FAM120C: variants seen among roughly 807,000 people sequenced by gnomAD.
The protein encoded by FAM120C is family with sequence similarity 120 member C.
Under a neutral mutation model 71.2 loss-of-function variants are expected in FAM120C, and 14 were observed. The observed-to-expected ratio is 0.20, with a 90% CI of 0.13 to 0.31. FAM120C has a LOEUF of 0.31. Ranked by LOEUF, FAM120C falls within the 10% of genes least tolerant of loss-of-function variation. The pLI is 1.00. For synonymous variants in FAM120C, 354 were observed against 353.2 expected (o/e 1.00, Z -0.03); for missense variants, 500 against 879.0 (o/e 0.57, Z 5.45).
At chrX:54,163,523 G>C (rs1376239574) in intron 1 of FAM120C, among the ~76,000 whole-genome samples, 1 of 111,491 alleles carries the variant, frequency 9.0e-6, no homozygotes, top group African/African-American at 3.3e-5. Flanking sequence ...TGTGGGGATG[G>C]GGAATAAGAC....
intron 3 of FAM120C, among the ~76,000 whole-genome samples, chrX:54,155,671 A>C (rs1291037011): frequency 9.0e-6 from 1 of 111,579 alleles, no homozygotes; most frequent in Non-Finnish European, 1.9e-5. Flanking sequence ...TTTAAAAAAA[A>C]AATAAAGTTG....
In FAM120C at chrX:54,114,728, T is replaced by C. The variant is rs186465912; in HGVS notation, c.2312+1817A>G. Among the ~76,000 whole-genome samples the C allele has an allele frequency of 3.7e-3, 382 of 103,163 alleles. 2 individuals are homozygous for C. Among genetic ancestry groups the C allele is most frequent in the African/African-American group, 0.013 (356 of 28,054 alleles). The allele number at this position is 103,163 out of a possible 115,157, so 89.6% of individuals were successfully genotyped here. On this transcript the variant is annotated intron_variant, in intron 10 of 15. Transcript: ENST00000375180. ...TGCTGGGGTTACAGGTGTGAGCCAC[T>C]GCACCCAGCCTAATTTTGTTTGTTT... is the stretch of plus-strand genomic sequence containing the variant.
chrX:54,158,332 A>ATAT (rs2067220201), intron 2 of FAM120C, among the ~76,000 whole-genome samples: 1 of 112,561 alleles, frequency 8.9e-6, no homozygotes, highest in Non-Finnish European at 1.9e-5. Flanking sequence ...TGACTCCACT[A>ATAT]TATTATCCAA....
chrX:54,134,837 C>A lies in FAM120C; in HGVS notation c.1610G>T (p.Ser537Ile). The A allele has an allele frequency of 8.3e-7, 1 of 1,209,708 alleles. No homozygotes were observed. The highest frequency in any genetic ancestry group is 1.1e-6 in the Non-Finnish European group (1 of 894,532). ...SSDGDEPNGASSDHITEAFHH... is the reference protein window; with the variant it reads ...SSDGDEPNGAISDHITEAFHH... The stretch of plus-strand genomic sequence containing the variant: ...TGTCTACAGAGATACTTACTCAGAG[C>A]TAGCTCCATTTGGCTCATCACCATC... Residue 537 changes from serine (S) to isoleucine (I), a missense_variant, in exon 7 of 16, where the codon AGC becomes ATC. Transcript: ENST00000375180.
intron 10 of FAM120C, among the ~76,000 whole-genome samples, chrX:54,107,098 T>C (rs2066910697): frequency 9.1e-6 from 1 of 109,969 alleles, no homozygotes; most frequent in Non-Finnish European, 1.9e-5. Flanking sequence ...TTTTGTTTGT[T>C]TTGGTTTTTT....
intron 3 of FAM120C, among the ~76,000 whole-genome samples, chrX:54,154,894 G>A (rs782445824): frequency 3.6e-5 from 4 of 111,103 alleles, no homozygotes; most frequent in African/African-American, 1.3e-4. Context: ...GAGATCAATC[G>A]TATGTGGAGA....
intron 10 of FAM120C, among the ~76,000 whole-genome samples, chrX:54,092,740 ATTGT>A (rs1557122802): frequency 1.8e-5 from 2 of 111,512 alleles, no homozygotes; most frequent in African/African-American, 6.5e-5. Context: ...GGTTATTAAT[ATTGT>A]TTCTTTTTTT....
intron 12 of FAM120C, among the ~76,000 whole-genome samples, chrX:54,087,290 C>T (rs868981346): frequency 3.6e-5 from 3 of 83,406 alleles, no homozygotes; most frequent in South Asian, 7.5e-4. Context: ...TCCAGCCTGG[C>T]GACAGAGCAA....
chrX:54,136,032 CTT>C (rs2067092557), intron 5 of FAM120C, among the ~76,000 whole-genome samples: 2 of 104,014 alleles, frequency 1.9e-5, no homozygotes, highest in African/African-American at 3.5e-5. Flanking sequence ...GAATTTCACT[CTT>C]GTTGCCCAGG....
At chrX:54,179,774 C>T (rs1345841361) in intron 1 of FAM120C, among the ~76,000 whole-genome samples, 1 of 111,546 alleles carries the variant, frequency 9.0e-6, no homozygotes, top group Non-Finnish European at 1.9e-5. Context: ...TACCCTGCAC[C>T]CAAAGTACAC....
At position 54,088,014 on chromosome X, in the gene FAM120C, G is replaced by T. The variant is rs1557122175; in HGVS notation, c.2428-50C>A. 3 of 1,019,372 alleles carry T rather than the reference G, an allele frequency of 2.9e-6. No individual in the cohort carries two copies. In the Admixed American group the frequency reaches 7.8e-5, roughly 26 times the overall value. The allele number at this position is 1,019,372 out of a possible 1,213,427, so 84.0% of individuals were successfully genotyped here. A position where few individuals can be genotyped will look rare whatever the true frequency, so the allele number is the denominator to read the frequency against. The stretch of plus-strand genomic sequence containing the variant: ...TACTATTAAGAAACTACTATTCTTG[G>T]TAACATTTACTCTTATTCCTGTCAT... On this transcript the variant is annotated intron_variant, in intron 11 of 15. Transcript: ENST00000375180.
In FAM120C at chrX:54,098,751, G is replaced by A. The variant is rs1557123726; in HGVS notation, c.2313-7325C>T. Among the ~76,000 whole-genome samples, 3 of 111,068 alleles carry A rather than the reference G, an allele frequency of 2.7e-5. No homozygotes were observed. The East Asian group carries it at 8.5e-4, about 32-fold the overall frequency. On this transcript the variant is annotated intron_variant, in intron 10 of 15. Coordinates refer to ENST00000375180, the MANE Select transcript of FAM120C (RefSeq NM_017848.6). ...TGATTCTCCTGCCTCAGCCTCCTGA[G>A]TAGCTGGGATTACAGGCACGCGCCA...
At chrX:54,132,984 G>A (rs2067075650) in intron 8 of FAM120C, 121 bp from the exon 9 acceptor site, 1 of 517,937 alleles carries the variant, frequency 1.9e-6, no homozygotes, top group Non-Finnish European at 2.9e-6. Context: ...TTTGTATTTA[G>A]ACAGTTTCAT....
At chrX:54,129,636 G>T (rs1338398615) in intron 9 of FAM120C, among the ~76,000 whole-genome samples, 1 of 112,361 alleles carries the variant, frequency 8.9e-6, no homozygotes, top group African/African-American at 3.2e-5. Context: ...GGCAGAGGCT[G>T]CAATCTCGGC....
At chrX:54,081,226 C>T in intron 14 of FAM120C, 96 bp downstream of exon 14, 1 of 865,877 alleles carries the variant, frequency 1.2e-6, no homozygotes, top group East Asian at 3.4e-5. Flanking sequence ...GTACTTCTTG[C>T]CTTAATAGAA....
At chrX:54,080,107 C>T in intron 15 of FAM120C, 125 bp downstream of exon 15, 1 of 538,982 alleles carries the variant, frequency 1.9e-6, no homozygotes, top group Non-Finnish European at 3.2e-6. Context: ...AATCAAATGC[C>T]TGGAGGAGTT....
chrX:54,098,229 C>T (rs1047642849), intron 10 of FAM120C, among the ~76,000 whole-genome samples: 6 of 107,361 alleles, frequency 5.6e-5, no homozygotes, highest in African/African-American at 2.0e-4. Context: ...TTAGTAGAGA[C>T]GGGGTTTCAC....
intron 3 of FAM120C, among the ~76,000 whole-genome samples, chrX:54,153,583 T>G (rs2067194289): frequency 9.4e-6 from 1 of 106,588 alleles, no homozygotes; most frequent in African/African-American, 3.4e-5. Context: ...ATTTTTTTTT[T>G]TTTTGAGACA....
At chrX:54,101,425 G>A (rs2066881729) in intron 10 of FAM120C, among the ~76,000 whole-genome samples, 1 of 111,844 alleles carries the variant, frequency 8.9e-6, no homozygotes, top group Non-Finnish European at 1.9e-5. Context: ...TTGACTATTA[G>A]CACCTGGCTC....
Sources: gnomAD v4.1 joint callset for allele counts (sites outside exome capture counted in the v4.1 genomes callset) on GRCh38, gnomAD v4.1.1 for gene constraint, MANE v1.5 for transcripts, NCBI Gene and HGNC (gene_info 2026-07-23, HGNC 2026-07-21) for gene names.